TAF1: variants seen among roughly 807,000 people sequenced by gnomAD.
TAF1 encodes transcription initiation factor TFIID subunit 1.
In TAF1, 2 loss-of-function variants were observed where a neutral mutation model predicts 138.5. That is an observed-to-expected ratio of 0.01 (90% CI 0.01 to 0.05). The LOEUF (loss-of-function observed/expected upper bound fraction) is 0.05, where lower values mean the gene tolerates loss of function less well. TAF1 is among the 10% of genes least tolerant of loss of function. The probability of loss-of-function intolerance (pLI) is 1.00; values close to 1 mark genes in which losing one functional copy is unlikely to be tolerated. For synonymous variants in TAF1, 437 were observed against 503.2 expected (o/e 0.87, Z 1.76); for missense variants, 709 against 1,478.0 (o/e 0.48, Z 8.53).
intron 13 of TAF1, among the ~76,000 whole-genome samples, chrX:71,472,298 A>T (rs2038904492): frequency 8.9e-6 from 1 of 112,580 alleles, no homozygotes; most frequent in South Asian, 3.7e-4. Flanking sequence ...TTTCCCTATT[A>T]TTAGTTTGTT....
chrX:71,471,172 G>T (rs1363761391), intron 13 of TAF1, among the ~76,000 whole-genome samples: 2 of 107,789 alleles, frequency 1.9e-5, no homozygotes, highest in Non-Finnish European at 3.8e-5. Flanking sequence ...AAAAAAATTA[G>T]CTGGGCATGG....
intron 32 of TAF1, among the ~76,000 whole-genome samples, chrX:71,441,174 C>T (rs148184090): frequency 0.017 from 1,828 of 110,639 alleles, 41 homozygotes; most frequent in African/African-American, 0.057. Context: ...GCCATGGTGC[C>T]AAGCCCCATC....
intron 14 of TAF1, among the ~76,000 whole-genome samples, chrX:71,386,556 C>T (rs1321100885): frequency 8.9e-6 from 1 of 112,335 alleles, no homozygotes; most frequent in African/African-American, 3.2e-5. Context: ...CTTCTGCCTC[C>T]TGGGCTCAAG....
intron 32 of TAF1, among the ~76,000 whole-genome samples, chrX:71,427,817 T>C (rs914921245): frequency 9.4e-6 from 1 of 106,044 alleles, no homozygotes; most frequent in Non-Finnish European, 1.9e-5. Context: ...CGGGTGCCTG[T>C]AATCCCAGCT....
At chrX:71,420,336 T>A in intron 28 of TAF1, 1 of 1,187,566 alleles carries the variant, frequency 8.4e-7, no homozygotes, top group Admixed American at 2.2e-5. Context: ...TGACTCTTTG[T>A]CTGAGAACTC....
Position 71,456,769 on chromosome X carries a change from G to A in TAF1, c.4939-1472G>A, listed in dbSNP as rs1474944703. Among the ~76,000 whole-genome samples the A allele has an allele frequency of 4.2e-5, 4 of 95,228 alleles. 1 individual carries two copies. The highest frequency in any genetic ancestry group is 0.011 in the Middle Eastern group (2 of 182). The allele number at this position is 95,228 out of a possible 115,157, so 82.7% of individuals were successfully genotyped here. Reference sequence around the variant, plus strand: ...CGGCTCACTGCAACCTTCGCCTCCCGGGTTCAAGTGATTCTCCTGCCTCAG... The same window carrying A: ...CGGCTCACTGCAACCTTCGCCTCCCAGGTTCAAGTGATTCTCCTGCCTCAG... On this transcript the variant is annotated intron_variant, in intron 34 of 37. Coordinates refer to ENST00000423759, the MANE Select transcript of TAF1 (RefSeq NM_004606.5).
At chrX:71,492,109 T>C (rs188516427) in intron 13 of TAF1, 15 of 114,249 alleles carry the variant, frequency 1.3e-4, no homozygotes, top group Admixed American at 4.7e-4. Flanking sequence ...CTGTTTTTTT[T>C]CTGGACTTCT....
At chrX:71,406,171 A>C (rs1363001311) in intron 25 of TAF1, among the ~76,000 whole-genome samples, 1 of 109,645 alleles carries the variant, frequency 9.1e-6, no homozygotes, top group East Asian at 2.9e-4. Context: ...TCTACTAAAA[A>C]TACGAAAATT....
chrX:71,518,419 C>T (rs1219498995), intron 13 of TAF1, among the ~76,000 whole-genome samples: 4 of 111,397 alleles, frequency 3.6e-5, no homozygotes, highest in Non-Finnish European at 7.5e-5. Flanking sequence ...AATCTGCCCA[C>T]CTCAGCCTCC....
chrX:71,440,276 A>T (rs1225089232), intron 32 of TAF1, among the ~76,000 whole-genome samples: 1 of 111,941 alleles, frequency 8.9e-6, no homozygotes, highest in African/African-American at 3.2e-5. Context: ...TCAGTAGTTC[A>T]TTTTTTAAAT....
At chrX:71,488,944 G>C (rs978157361) in intron 13 of TAF1, among the ~76,000 whole-genome samples, 6 of 109,667 alleles carry the variant, frequency 5.5e-5, no homozygotes, top group African/African-American at 2.0e-4. Context: ...GTGCACGCCT[G>C]TGATCCTAGC....
chrX:71,458,890 G>A (rs1174848017), intron 35 of TAF1, among the ~76,000 whole-genome samples: 1 of 111,498 alleles, frequency 9.0e-6, no homozygotes, highest in African/African-American at 3.3e-5. Context: ...GAAAGTTTGG[G>A]TTAGAAAGGA....
At chrX:71,486,204 C>T (rs897591525) in intron 13 of TAF1, among the ~76,000 whole-genome samples, 16 of 109,838 alleles carry the variant, frequency 1.5e-4, no homozygotes, top group African/African-American at 5.0e-4. Flanking sequence ...ACAGGCATCC[C>T]GCTAATTTTT....
chrX:71,462,880 C>G (rs1185921318), intron 37 of TAF1, among the ~76,000 whole-genome samples: 1 of 111,719 alleles, frequency 9.0e-6, no homozygotes, highest in Non-Finnish European at 1.9e-5. Flanking sequence ...AATTAACACA[C>G]CATCAAGATG....
At chrX:71,506,336 T>G (rs1026014126) in intron 13 of TAF1, among the ~76,000 whole-genome samples, 2 of 102,232 alleles carry the variant, frequency 2.0e-5, no homozygotes, top group African/African-American at 7.2e-5. Flanking sequence ...GGCTACAATG[T>G]TAGCGCCACT....
intron 13 of TAF1, among the ~76,000 whole-genome samples, chrX:71,503,496 A>T (rs1206687708): frequency 9.2e-6 from 1 of 108,965 alleles, no homozygotes; most frequent in Non-Finnish European, 1.9e-5. Context: ...ATTGGCCATG[A>T]GGAAGCTCTA....
chrX:71,401,747 A>T lies in TAF1; in HGVS notation c.3998+8A>T, dbSNP rs1457815635. Reference sequence around the variant, plus strand: ...GAAACAGCTAATTGAGAGGTAAGAGATACCAGGCAGGAAGTGCTATGGGAC... The same window carrying T: ...GAAACAGCTAATTGAGAGGTAAGAGTTACCAGGCAGGAAGTGCTATGGGAC... On this transcript the variant is annotated splice_region_variant and intron_variant, in intron 25 of 37. Coordinates refer to ENST00000423759, the MANE Select transcript of TAF1 (RefSeq NM_004606.5). 1.7e-6 allele frequency: 2 copies of T among 1,207,088 alleles called. No homozygotes were observed. Among genetic ancestry groups the T allele is most frequent in the Non-Finnish European group, 2.2e-6 (2 of 891,253 alleles).
chrX:71,422,943 C>T (rs1389499860), intron 29 of TAF1, among the ~76,000 whole-genome samples, 174 bp from the exon 30 acceptor site: 2 of 109,871 alleles, frequency 1.8e-5, no homozygotes, highest in Non-Finnish European at 3.8e-5. Flanking sequence ...GGGGTTTCAC[C>T]GTGTTAGCCA....
At chrX:71,425,955 A>G (rs1294338145) in intron 32 of TAF1, among the ~76,000 whole-genome samples, 1 of 110,627 alleles carries the variant, frequency 9.0e-6, no homozygotes, top group Non-Finnish European at 1.9e-5. Context: ...GTGTCACAGG[A>G]CAGTATATCT....
Sources: gnomAD v4.1 joint callset for allele counts (sites outside exome capture counted in the v4.1 genomes callset) on GRCh38, gnomAD v4.1.1 for gene constraint, MANE v1.5 for transcripts, NCBI Gene and HGNC (gene_info 2026-07-23, HGNC 2026-07-21) for gene names.